The following TUBGCP5 variants were observed in gnomAD, a reference collection of about 807,000 sequenced individuals.
TUBGCP5 encodes tubulin gamma complex component 5.
In TUBGCP5, 98 loss-of-function variants were observed where a neutral mutation model predicts 134.7. The ratio of observed to expected loss-of-function variants is 0.73; its 90% CI spans 0.62 to 0.86. The LOEUF is 0.86. TUBGCP5 is among the 40% of genes least tolerant of loss of function. The pLI, the probability that TUBGCP5 is intolerant of heterozygous loss-of-function variation, is 0.00. For synonymous variants in TUBGCP5, 456 were observed against 431.4 expected (o/e 1.06, Z -0.71); for missense variants, 1,150 against 1,244.8 (o/e 0.92, Z 1.15).
intron 23 of TUBGCP5, among the ~76,000 whole-genome samples, chr15:22,984,127 T>C (rs1277815724): frequency 6.6e-6 from 1 of 150,844 alleles, no homozygotes; most frequent in East Asian, 2.0e-4. Flanking sequence ...CTCAAAAAAA[T>C]AGAACGAAAT....
chr15:23,031,157 C>G (rs1181995532), intron 5 of TUBGCP5, 137 bp from the exon 6 acceptor site: 6 of 809,060 alleles, frequency 7.4e-6, no homozygotes, highest in Non-Finnish European at 1.1e-5. Context: ...TTTTTTTTTC[C>G]TAAATCTCTT....
chr15:22,995,797 G>T (rs1481227329), downstream of TUBGCP5, among the ~76,000 whole-genome samples: 2 of 151,798 alleles, frequency 1.3e-5, no homozygotes, highest in African/African-American at 4.8e-5. Context: ...CAGGTAACAT[G>T]TCATGGCCAG....
At position 23,009,988 on chromosome 15, in the gene TUBGCP5, C is replaced by T; in HGVS notation, c.2101G>A (p.Asp701Asn). 1.9e-6 allele frequency: 3 copies of T among 1,613,988 alleles called. No individual in the cohort carries two copies. Among genetic ancestry groups the T allele is most frequent in the Non-Finnish European group, 2.5e-6 (3 of 1,179,972 alleles). Residue 701 changes from aspartate to asparagine, a missense_variant, in exon 15 of 23, where the codon GAT becomes AAT. Physicochemically the swap from Asp to Asn is conservative, Grantham distance 23 (BLOSUM62 1). Coordinates refer to ENST00000615383, the MANE Select transcript of TUBGCP5 (RefSeq NM_052903.6). Reference sequence around the variant, plus strand: ...GTTTGCATGAGATTTCCACAGCAATCTAGATACTGCTTGTCAATATGAGGA... The same window carrying T: ...GTTTGCATGAGATTTCCACAGCAATTTAGATACTGCTTGTCAATATGAGGA... ...LYPHIDKQYL[D>N]CCGNLMQTLK...
At position 23,013,419 on chromosome 15, in the gene TUBGCP5, C is replaced by G. The variant is rs1595858012; in HGVS notation, c.1757-2088G>C. On this transcript the variant is annotated intron_variant, in intron 13 of 22. Coordinates refer to ENST00000615383, the MANE Select transcript of TUBGCP5 (RefSeq NM_052903.6). This position sits in a 1 kb window ranked among gnomAD's most constrained non-coding sequence, Gnocchi z 4.5. ...CGAGATCGCGCCGCTGCACTCCAGC[C>G]TGGGCGACAGGGAAAGACTCCGTCT... is the stretch of plus-strand genomic sequence containing the variant. 6.6e-6 allele frequency among the ~76,000 whole-genome samples: 1 copy of G among 151,932 alleles called. No individual in the cohort carries two copies. Among genetic ancestry groups the G allele is most frequent in the African/African-American group, 2.4e-5 (1 of 41,382 alleles).
chr15:22,988,790 C>T (rs567619280), intron 23 of TUBGCP5, among the ~76,000 whole-genome samples: 44 of 151,092 alleles, frequency 2.9e-4, no homozygotes, highest in African/African-American at 8.5e-4. Flanking sequence ...TTTTTTGAGA[C>T]GGAGTCTTGT....
At chr15:22,991,211 C>G (rs1213141701) in intron 23 of TUBGCP5, among the ~76,000 whole-genome samples, 1 of 152,040 alleles carries the variant, frequency 6.6e-6, no homozygotes, top group African/African-American at 2.4e-5. Context: ...GATTCTACTG[C>G]CTCAGCCTCT....
intron 10 of TUBGCP5, among the ~76,000 whole-genome samples, chr15:23,022,917 C>T (rs1175218266): frequency 2.0e-5 from 3 of 152,156 alleles, no homozygotes; most frequent in Admixed American, 6.5e-5. Flanking sequence ...AAGACCAAAA[C>T]GTCTGGTAAC....
chr15:23,009,981 C>T lies in TUBGCP5; in HGVS notation c.2108G>A (p.Cys703Tyr). 2.5e-6 allele frequency: 4 copies of T among 1,613,610 alleles called. No individual in the cohort carries two copies. In the East Asian group the frequency reaches 6.7e-5, roughly 27 times the overall value. ...TTTTAGAGTTTGCATGAGATTTCCA[C>T]AGCAATCTAGATACTGCTTGTCAAT... is the stretch of plus-strand genomic sequence containing the variant. Reference protein sequence around the residue: ...PHIDKQYLDCCGNLMQTLKKD... With the variant: ...PHIDKQYLDCYGNLMQTLKKD... The change falls in exon 15 of 23, where the codon TGT becomes TAT. Residue 703 changes from cysteine to tyrosine, a missense_variant. Physicochemically the swap from Cys to Tyr is radical, Grantham distance 194. This residue lies in a region of TUBGCP5 where 697 missense variants were observed against 850.1 expected (regional missense o/e 0.82). Transcript: ENST00000615383.
chr15:22,983,753 C>T (rs1206194638), intron 23 of TUBGCP5: 1 of 152,110 alleles, frequency 6.6e-6, no homozygotes, highest in South Asian at 2.1e-4. Context: ...ACTAGTAGTC[C>T]CCCTCCTCTG....
At chr15:23,000,306 C>T (rs2064296472) in intron 22 of TUBGCP5, 2 of 1,270,556 alleles carry the variant, frequency 1.6e-6, no homozygotes, top group African/African-American at 3.1e-5. Flanking sequence ...GAAATCTATT[C>T]TGCCATCAAC....
chr15:23,007,568 G>A (rs958206285), intron 16 of TUBGCP5, among the ~76,000 whole-genome samples: 17 of 152,134 alleles, frequency 1.1e-4, no homozygotes, highest in African/African-American at 4.1e-4. Context: ...CAAGGGGGAT[G>A]TAGGAATGAG....
chr15:23,009,789 A>G (rs1287982024), intron 15 of TUBGCP5, among the ~76,000 whole-genome samples, 156 bp downstream of exon 15: 3 of 152,218 alleles, frequency 2.0e-5, no homozygotes, highest in Admixed American at 1.3e-4. Flanking sequence ...CATAGTTAAG[A>G]AAATATTGAT....
intron 18 of TUBGCP5, 92 bp from the exon 19 acceptor site, chr15:23,005,702 G>T: frequency 7.4e-7 from 1 of 1,352,170 alleles, no homozygotes; most frequent in Non-Finnish European, 1.0e-6. Context: ...TGACGGATGT[G>T]GTCCTGGCAC....
intron 23 of TUBGCP5, among the ~76,000 whole-genome samples, chr15:22,988,205 T>C (rs981541765): frequency 1.3e-5 from 2 of 151,936 alleles, no homozygotes; most frequent in African/African-American, 4.8e-5. Flanking sequence ...TTAGATTATC[T>C]GAAGGGGCCC....
rs1162840698 is a variant in TUBGCP5 at position 23,039,493 on chromosome 15, G to C, written c.51C>G (p.Arg17=). Reference sequence around the variant, plus strand: ...CACCCCGGACGAGCTCCCGCACGTCGCGCTCCTGCTGCGCGTCCAACCGAC... The same window carrying C: ...CACCCCGGACGAGCTCCCGCACGTCCCGCTCCTGCTGCGCGTCCAACCGAC... ...PWSRLDAQQE[R]DVRELVRGVA... Residue 17 remains arginine, a synonymous_variant, in exon 1 of 23, where the codon CGC becomes CGG. Transcript: ENST00000615383. The C allele has an allele frequency of 2.0e-6, 3 of 1,517,308 alleles. No homozygotes were observed. The highest frequency in any genetic ancestry group is 1.7e-4 in the Middle Eastern group (1 of 5,748). The allele number at this position is 1,517,308 out of a possible 1,614,324, so 94.0% of individuals were successfully genotyped here.
intron 23 of TUBGCP5, among the ~76,000 whole-genome samples, chr15:22,987,384 C>T (rs1418927611): frequency 6.6e-6 from 1 of 151,388 alleles, no homozygotes; most frequent in African/African-American, 2.4e-5. Context: ...TTTTAGGTTT[C>T]TGTCACGGTC....
At chr15:23,000,482 T>G in intron 22 of TUBGCP5, 87 bp downstream of exon 22, 1 of 1,548,274 alleles carries the variant, frequency 6.5e-7, no homozygotes, top group Non-Finnish European at 8.7e-7. Context: ...TTTCTAATTC[T>G]TCATGGGATC....
In TUBGCP5 at chr15:23,011,247, A is replaced by T; in HGVS notation, c.1841T>A (p.Val614Asp). 6.2e-7 allele frequency: 1 copy of T among 1,613,932 alleles called. No homozygotes were observed. The change falls in exon 14 of 23, where the codon GTT becomes GAT. Residue 614 changes from valine to aspartate, a missense_variant. Val to Asp is a radical substitution (Grantham distance 152, BLOSUM62 -3). Around this residue, in one of 2 missense-constraint regions of TUBGCP5, gnomAD observed 697 missense variants for 850.1 expected, o/e 0.82. Coordinates refer to ENST00000615383, the MANE Select transcript of TUBGCP5 (RefSeq NM_052903.6). ...CTTGGTTGCCTGTTGCTCAGTAAGA[A>T]CCTGTGGAGTGGAATCTTCTCCATG... ...LRHGEDSTPQ[V>D]LTEQQATKEN... is the part of the protein sequence containing the mutation.
intron 21 of TUBGCP5, 62 bp from the exon 22 acceptor site, chr15:23,000,731 G>C: frequency 2.6e-6 from 3 of 1,176,444 alleles, no homozygotes; most frequent in Non-Finnish European, 3.6e-6. Context: ...TAGGCTTCAA[G>C]ATATCTGTGG....
Sources: allele counts gnomAD v4.1 joint callset (sites outside exome capture counted in the v4.1 genomes callset), GRCh38; gene constraint gnomAD v4.1.1; regional missense constraint gnomAD v4.1.1; non-coding constraint Gnocchi (gnomAD v3.1); transcripts MANE v1.5; gene names NCBI Gene and HGNC (gene_info 2026-07-23, HGNC 2026-07-21).